Variants in UNC50 observed in about 807,000 individuals in gnomAD.
The protein encoded by UNC50 is unc-50 inner nuclear membrane RNA binding protein, also known as protein unc-50 homolog.
UNC50 carries 24 observed loss-of-function variants against 31.5 expected under a neutral mutation model. That is an observed-to-expected ratio of 0.76 (90% CI 0.55 to 1.07). UNC50 has a LOEUF of 1.07. Among genes scored for constraint, UNC50 ranks in the 50% least tolerant of loss-of-function variants. The pLI is 0.00. For synonymous variants in UNC50, 118 were observed against 114.7 expected (o/e 1.03, Z -0.18); for missense variants, 245 against 304.2 (o/e 0.81, Z 1.45).
chr2:98,616,347 G>A lies in UNC50; in HGVS notation c.541+1G>A, dbSNP rs141820903. ...TTTATCCAGCTTTTTTTCATCAACC[G>A]TAAGTAGCAGTTAATTAGAGTATTA... On this transcript the variant is annotated splice_donor_variant, in intron 4 of 5. Transcript: ENST00000357765. LOFTEE classifies it high-confidence loss of function. The A allele has an allele frequency of 5.0e-6, 8 of 1,613,742 alleles. No individual in the cohort carries two copies. The highest frequency in any genetic ancestry group is 1.3e-5 in the African/African-American group (1 of 74,960).
chr2:98,618,138 T>TTAA lies in UNC50; in HGVS notation c.644-30_644-29insTAA, dbSNP rs1553534037. On this transcript the variant is annotated intron_variant, in intron 5 of 5. Coordinates refer to ENST00000357765, the MANE Select transcript of UNC50 (RefSeq NM_014044.7). ...TTAGTCATTTATTTTTTTTTTTTTT[T>TTAA]AAATCAGTTTGGATTCCTTTCTTTT... The TTAA allele has an allele frequency of 4.8e-6, 7 of 1,465,970 alleles. No individual in the cohort carries two copies. The African/African-American group carries it at 5.8e-5, about 12-fold the overall frequency. The allele number at this position is 1,465,970 out of a possible 1,614,324, so 90.8% of individuals were successfully genotyped here.
At chr2:98,618,104 G>C in intron 5 of UNC50, 64 bp from the exon 6 acceptor site, 1 of 1,426,842 alleles carries the variant, frequency 7.0e-7, no homozygotes, top group Non-Finnish European at 9.3e-7. Flanking sequence ...CTTTCAAAAT[G>C]TTCATTTATT....
At chr2:98,615,045 A>C (rs2104184009) in intron 3 of UNC50, among the ~76,000 whole-genome samples, 1 of 152,322 alleles carries the variant, frequency 6.6e-6, no homozygotes, top group Non-Finnish European at 1.5e-5. Context: ...CTTTTTATTC[A>C]TCATTGAACT....
chr2:98,616,141 G>A, intron 3 of UNC50, 66 bp from the exon 4 acceptor site: 1 of 1,511,438 alleles, frequency 6.6e-7, no homozygotes, highest in Non-Finnish European at 9.0e-7. Context: ...CTGCCGCATA[G>A]AAAGTCGTCA....
chr2:98,609,832 C>G lies in UNC50; in HGVS notation c.73C>G (p.His25Asp). 6.2e-7 allele frequency: 1 copy of G among 1,614,222 alleles called. No individual in the cohort carries two copies. The highest frequency in any genetic ancestry group is 8.5e-7 in the Non-Finnish European group (1 of 1,180,038). ...CTTGAATTCCAGGGATGCGGCAAGA[C>G]ACACAGCCGGAGCGAAACGCTACAA... ...GVLNSRDAAR[H>D]TAGAKRYKYL... is the part of the protein sequence containing the mutation. Residue 25 changes from histidine to aspartate, a missense_variant, in exon 2 of 6, where the codon CAC becomes GAC. Physicochemically the swap from His to Asp is moderately conservative, Grantham distance 81. Coordinates refer to ENST00000357765, the MANE Select transcript of UNC50 (RefSeq NM_014044.7).
At chr2:98,618,118 C>CAT (rs1553534034) in intron 5 of UNC50, 50 bp from the exon 6 acceptor site, 1 of 1,288,576 alleles carries the variant, frequency 7.8e-7, no homozygotes, top group African/African-American at 1.9e-5. Flanking sequence ...ATTTATTAGT[C>CAT]ATTTATTTTT....
In UNC50 at chr2:98,618,511, C is replaced by T. The variant is rs186466048; in HGVS notation, c.*207C>T. 9 of 400,696 alleles carry T rather than the reference C, an allele frequency of 2.2e-5. No homozygotes were observed. Among genetic ancestry groups the T allele is most frequent in the Non-Finnish European group, 8.3e-6 (2 of 240,380 alleles). 24.8% of individuals were successfully genotyped at this position (400,696 alleles called of 1,614,324 possible). A position where few individuals can be genotyped will look rare whatever the true frequency, so the allele number is the denominator to read the frequency against. On this transcript the variant is annotated 3_prime_UTR_variant, in exon 6 of 6. Transcript: ENST00000357765. ...ATTTCTATAATAAATATTTTTTAAA[C>T]TAAAGCATGTGTGTTCACTCTAATA...
chr2:98,615,119 G>T (rs1700899932), intron 3 of UNC50, among the ~76,000 whole-genome samples: 1 of 152,186 alleles, frequency 6.6e-6, no homozygotes, highest in African/African-American at 2.4e-5. Context: ...CTTATGGCTG[G>T]ATGCGTCACT....
chr2:98,609,439 T>C (rs767636545), intron 1 of UNC50: 1 of 420,614 alleles, frequency 2.4e-6, no homozygotes, highest in Non-Finnish European at 4.3e-6. Context: ...ATTTCCAATC[T>C]TGGCTCTATC....
chr2:98,613,418 T>C (rs532692370), intron 3 of UNC50, among the ~76,000 whole-genome samples: 44 of 152,354 alleles, frequency 2.9e-4, no homozygotes, highest in Non-Finnish European at 5.4e-4. Context: ...AAAGGTTTAA[T>C]TGACTCACAG....
At chr2:98,614,156 C>CT (rs956726942) in intron 3 of UNC50, among the ~76,000 whole-genome samples, 9 of 152,164 alleles carry the variant, frequency 5.9e-5, no homozygotes, top group Non-Finnish European at 1.3e-4. Flanking sequence ...CTCACACTAT[C>CT]TTTTCCATGG....
In UNC50 at chr2:98,618,298, G is replaced by GAAAT. The variant is rs1363602519; in HGVS notation, c.778_*1dup. 4 of 1,587,968 alleles carry GAAAT rather than the reference G, an allele frequency of 2.5e-6. No homozygotes were observed. Among genetic ancestry groups the GAAAT allele is most frequent in the South Asian group, 2.3e-5 (2 of 85,506 alleles). On this transcript the variant is annotated frameshift_variant, in exon 6 of 6. Coordinates refer to ENST00000357765, the MANE Select transcript of UNC50 (RefSeq NM_014044.7). LOFTEE classifies it high-confidence loss of function. ...TCTGTTCTTTCTATAAGTACAGAGT[G>GAAAT]AAATAAAAAGTGAGAAGAAGATTCA...
rs756935525 is a variant in UNC50 at position 98,610,764 on chromosome 2, C to A, written c.281-11C>A. 6.2e-7 allele frequency: 1 copy of A among 1,612,692 alleles called. No individual in the cohort carries two copies. The highest frequency in any genetic ancestry group is 1.1e-5 in the South Asian group (1 of 90,826). On this transcript the variant is annotated splice_polypyrimidine_tract_variant and intron_variant, in intron 2 of 5. Transcript: ENST00000357765. ...GAGTCCCTAAATGAATCTTGTGAAT[C>A]TTTCTTTCAGTGTCCACTATAGGAT...
At chr2:98,616,775 T>A (rs1700929294) in intron 5 of UNC50, among the ~76,000 whole-genome samples, 2 of 152,218 alleles carry the variant, frequency 1.3e-5, no homozygotes, top group Non-Finnish European at 2.9e-5. Context: ...ATGGCCTAGC[T>A]GGTATATAAC....
intron 2 of UNC50, among the ~76,000 whole-genome samples, chr2:98,610,515 CTA>C (rs1700808884): frequency 1.3e-5 from 2 of 152,170 alleles, no homozygotes; most frequent in South Asian, 4.1e-4. Flanking sequence ...TGGACTTAAA[CTA>C]TGTTAGTGCC....
At chr2:98,618,032 A>C in intron 5 of UNC50, 136 bp from the exon 6 acceptor site, 1 of 934,936 alleles carries the variant, frequency 1.1e-6, no homozygotes, top group Non-Finnish European at 1.5e-6. Context: ...GGGCATAAAT[A>C]GCATCATCTT....
Position 98,616,346 on chromosome 2 carries a change from CG to C in UNC50, c.541+1del, listed in dbSNP as rs1700920373. The C allele has an allele frequency of 1.2e-6, 2 of 1,613,878 alleles. No homozygotes were observed. Among genetic ancestry groups the C allele is most frequent in the Non-Finnish European group, 1.7e-6 (2 of 1,179,954 alleles). On this transcript the variant is annotated splice_donor_variant, in intron 4 of 5. Transcript: ENST00000357765. LOFTEE classifies it high-confidence loss of function. ...TTTTATCCAGCTTTTTTTCATCAAC[CG>C]TAAGTAGCAGTTAATTAGAGTATTA...
At chr2:98,609,700 G>A in intron 1 of UNC50, 56 bp from the exon 2 acceptor site, 1 of 1,608,822 alleles carries the variant, frequency 6.2e-7, no homozygotes, top group African/African-American at 1.3e-5. Flanking sequence ...GAGGAGTGTC[G>A]GTAGCCAAAT....
At chr2:98,612,321 G>A (rs1700847533) in intron 3 of UNC50, among the ~76,000 whole-genome samples, 1 of 151,936 alleles carries the variant, frequency 6.6e-6, no homozygotes, top group South Asian at 2.1e-4. Context: ...ATTATGTTAT[G>A]AAAATTACCT....
Sources: gnomAD v4.1 joint callset for allele counts (sites outside exome capture counted in the v4.1 genomes callset) on GRCh38, gnomAD v4.1.1 for gene constraint, MANE v1.5 for transcripts, NCBI Gene and HGNC (gene_info 2026-07-23, HGNC 2026-07-21) for gene names.